CUBN: variants seen among roughly 807,000 people sequenced by gnomAD.
CUBN encodes the protein 460 kDa receptor.
CUBN carries 282 observed loss-of-function variants against 405.3 expected under a neutral mutation model. The observed-to-expected ratio is 0.70, with a 90% confidence interval of 0.63 to 0.77. The LOEUF (loss-of-function observed/expected upper bound fraction) is 0.77. Among genes scored for constraint, CUBN ranks in the 30% least tolerant of loss-of-function variants. The pLI, the probability that CUBN is intolerant of heterozygous loss-of-function variation, is 0.00. For missense variants in CUBN, 4,514 were observed against 4,475.2 expected (o/e 1.01, Z -0.25); for synonymous variants, 1,684 against 1,617.0 (o/e 1.04, Z -0.99).
chr10:16,901,355 G>A lies in CUBN; in HGVS notation c.8167C>T (p.Gln2723Ter). ...THCSSLLEAPQGHTITLTFSD... is the reference protein window; with the variant it reads ...THCSSLLEAP ...GCACTCACAGTGATGGTGTGCCCTT[G>A]TGGGGCCTCCAACAGCGAAGAGCAG... is the stretch of plus-strand genomic sequence containing the variant. Residue 2723 changes from glutamine to a stop codon, truncating the protein, a stop_gained, in exon 52 of 67, where the codon CAA becomes TAA. Coordinates refer to ENST00000377833, the MANE Select transcript of CUBN (RefSeq NM_001081.4). LOFTEE classifies it high-confidence loss of function. 1 of 1,614,120 alleles carries A rather than the reference G, an allele frequency of 6.2e-7. No homozygotes were observed. Among genetic ancestry groups the A allele is most frequent in the East Asian group, 2.2e-5 (1 of 44,876 alleles).
intron 49 of CUBN, among the ~76,000 whole-genome samples, chr10:16,906,883 A>G (rs917200071): frequency 6.6e-6 from 1 of 152,224 alleles, no homozygotes; most frequent in Non-Finnish European, 1.5e-5. Flanking sequence ...GAAATAACTT[A>G]GCGTTTTTCT....
chr10:16,834,730 C>G (rs1839115846), intron 64 of CUBN, among the ~76,000 whole-genome samples: 1 of 152,154 alleles, frequency 6.6e-6, no homozygotes, highest in Non-Finnish European at 1.5e-5. Flanking sequence ...GGAACCCCAA[C>G]CCATGCTGGA....
intron 28 of CUBN, among the ~76,000 whole-genome samples, chr10:17,018,984 C>T (rs1362281249): frequency 6.6e-6 from 1 of 152,202 alleles, no homozygotes; most frequent in East Asian, 1.9e-4. Context: ...CAGTAGTTTC[C>T]AAACTTTAAT....
chr10:17,105,024 G>C (rs1412838868), intron 11 of CUBN, among the ~76,000 whole-genome samples: 1 of 151,658 alleles, frequency 6.6e-6, no homozygotes, highest in Non-Finnish European at 1.5e-5. Flanking sequence ...GGCTGGTCTT[G>C]ATCTCCTGGC....
intron 39 of CUBN, among the ~76,000 whole-genome samples, chr10:16,934,636 C>T (rs368009862): frequency 2.4e-4 from 37 of 152,212 alleles, no homozygotes; most frequent in African/African-American, 7.5e-4. Context: ...CCTTTGTCTC[C>T]ACTTCCAAAC....
chr10:16,978,276 A>C (rs923132707), intron 31 of CUBN, among the ~76,000 whole-genome samples: 2 of 152,196 alleles, frequency 1.3e-5, no homozygotes, highest in African/African-American at 4.8e-5. Flanking sequence ...CCCTGCAGGA[A>C]AAAATGGTCC....
intron 31 of CUBN, among the ~76,000 whole-genome samples, chr10:16,979,750 C>A (rs1833210108): frequency 6.6e-6 from 1 of 152,114 alleles, no homozygotes; most frequent in South Asian, 2.1e-4. Flanking sequence ...TAGAAGAAAA[C>A]CCAGGCAATA....
chr10:16,977,715 A>G (rs1246689298), intron 31 of CUBN, among the ~76,000 whole-genome samples: 1 of 152,238 alleles, frequency 6.6e-6, no homozygotes, highest in Non-Finnish European at 1.5e-5. Flanking sequence ...GCACTGTAGC[A>G]TGCCCACTAG....
intron 39 of CUBN, 74 bp downstream of exon 39, chr10:16,937,518 T>A: frequency 1.5e-6 from 2 of 1,300,416 alleles, no homozygotes; most frequent in Non-Finnish European, 2.2e-6. Flanking sequence ...TGACCCCTGT[T>A]ATGATAGGAT....
At chr10:16,940,547 G>A (rs917219739) in intron 36 of CUBN, among the ~76,000 whole-genome samples, 9 of 152,134 alleles carry the variant, frequency 5.9e-5, no homozygotes, top group Non-Finnish European at 8.8e-5. Context: ...ATAAAGTGGC[G>A]TTTAAGAATT....
At chr10:17,088,468 C>T (rs1002573338) in intron 14 of CUBN, 123 bp from the exon 15 acceptor site, 5 of 712,486 alleles carry the variant, frequency 7.0e-6, no homozygotes, top group Non-Finnish European at 9.7e-6. Context: ...TTTTAGACAC[C>T]CTCATAAATT....
rs1413444675 is a variant in CUBN at position 16,829,025 on chromosome 10, A to G, written c.10544T>C (p.Leu3515Pro). Reference sequence around the variant, plus strand: ...GGTGAATGAGCCTCTGTCTCCATAAAGAGTTCCACCACATCCTGCAAGGAA... The same window carrying G: ...GGTGAATGAGCCTCTGTCTCCATAAGGAGTTCCACCACATCCTGCAAGGAA... ...TSSPSGCGGT[L>P]YGDRGSFTSP... The change falls in exon 66 of 67, where the codon CTT becomes CCT. Residue 3515 changes from leucine (L) to proline (P), a missense_variant. Transcript: ENST00000377833. 21 of 1,614,002 alleles carry G rather than the reference A, an allele frequency of 1.3e-5. No homozygotes were observed. The highest frequency in any genetic ancestry group is 1.8e-5 in the Non-Finnish European group (21 of 1,179,920).
chr10:16,959,894 G>T (rs1019326690), intron 31 of CUBN, among the ~76,000 whole-genome samples: 2 of 152,208 alleles, frequency 1.3e-5, no homozygotes, highest in Non-Finnish European at 2.9e-5. Context: ...AGTTTGCTAG[G>T]CCTCAGCATT....
chr10:16,829,417 G>C (rs1340616504), intron 65 of CUBN, among the ~76,000 whole-genome samples: 2 of 151,884 alleles, frequency 1.3e-5, no homozygotes, highest in Non-Finnish European at 2.9e-5. Flanking sequence ...GCTTTCGATG[G>C]TGTAGAGATC....
chr10:16,968,748 G>T (rs763062173), intron 31 of CUBN, among the ~76,000 whole-genome samples: 1 of 152,242 alleles, frequency 6.6e-6, no homozygotes, highest in Non-Finnish European at 1.5e-5. Context: ...GTCAGTCAGA[G>T]GTCACTTTAA....
At chr10:16,932,956 G>T (rs1588662857) in intron 40 of CUBN, 131 bp downstream of exon 40, 2 of 879,440 alleles carry the variant, frequency 2.3e-6, no homozygotes, top group East Asian at 2.6e-5. Context: ...TGGTACTGAT[G>T]CCTTCCTTGA....
intron 28 of CUBN, among the ~76,000 whole-genome samples, chr10:17,000,195 T>C (rs895936149): frequency 1.3e-5 from 2 of 152,196 alleles, no homozygotes; most frequent in Non-Finnish European, 2.9e-5. Flanking sequence ...AGCTACCCTT[T>C]TACTCTTCAC....
At chr10:17,001,437 T>C (rs973519763) in intron 28 of CUBN, among the ~76,000 whole-genome samples, 1 of 152,196 alleles carries the variant, frequency 6.6e-6, no homozygotes, top group East Asian at 1.9e-4. Flanking sequence ...GGGTGCTGAT[T>C]GGTCTGTTTT....
intron 14 of CUBN, among the ~76,000 whole-genome samples, chr10:17,096,886 T>C (rs1836385840): frequency 6.6e-6 from 1 of 152,108 alleles, no homozygotes; most frequent in Non-Finnish European, 1.5e-5. Context: ...CAAAATACTT[T>C]CAGCCGAATG....
Sources: gnomAD v4.1 joint callset for allele counts (sites outside exome capture counted in the v4.1 genomes callset) on GRCh38, gnomAD v4.1.1 for gene constraint, MANE v1.5 for transcripts, NCBI Gene and HGNC (gene_info 2026-07-23, HGNC 2026-07-21) for gene names.